The following DMRT1 variants were observed in gnomAD, a reference collection of about 807,000 sequenced individuals.
DMRT1 encodes the protein doublesex and mab-3 related transcription factor 1, also known as doublesex- and mab-3-related transcription factor 1.
DMRT1 carries 7 observed loss-of-function variants against 32.3 expected under a neutral mutation model. That is an observed-to-expected ratio of 0.22 (90% CI 0.12 to 0.41). The LOEUF (loss-of-function observed/expected upper bound fraction) is 0.41. Ranked by LOEUF, DMRT1 falls within the 10% of genes least tolerant of loss-of-function variation. The probability of loss-of-function intolerance (pLI) is 1.00; values close to 1 mark genes in which losing one functional copy is unlikely to be tolerated. For synonymous variants in DMRT1, 278 were observed against 206.1 expected (o/e 1.35, Z -2.99); for missense variants, 625 against 500.5 (o/e 1.25, Z -2.37).
intron 2 of DMRT1, among the ~76,000 whole-genome samples, chr9:862,283 C>T (rs1019973307): frequency 3.9e-5 from 6 of 152,270 alleles, no homozygotes; most frequent in African/African-American, 1.4e-4. Flanking sequence ...GCAGACCACT[C>T]GCGGTCAGGA....
intron 1 of DMRT1, chr9:842,511 C>T (rs1379050871): frequency 1.1e-4 from 38 of 349,684 alleles, no homozygotes; most frequent in Middle Eastern, 8.5e-4. Context: ...GCTGGGATTA[C>T]AGGCGTGGGC....
chr9:928,186 C>G (rs1157956755), intron 4 of DMRT1, among the ~76,000 whole-genome samples: 1 of 152,122 alleles, frequency 6.6e-6, no homozygotes, highest in East Asian at 1.9e-4. Context: ...TATTTACATT[C>G]ACGCTAAAAG....
intron 4 of DMRT1, among the ~76,000 whole-genome samples, chr9:957,535 A>G (rs1335271222): frequency 6.6e-6 from 1 of 152,152 alleles, no homozygotes; most frequent in Non-Finnish European, 1.5e-5. Context: ...TGTAATCTGA[A>G]CTTACCTTAT....
At chr9:901,926 T>TC (rs1395850499) in intron 3 of DMRT1, among the ~76,000 whole-genome samples, 7 of 149,710 alleles carry the variant, frequency 4.7e-5, no homozygotes, top group Non-Finnish European at 8.9e-5. Context: ...TTTTTTTTTT[T>TC]TTTTGAGACA....
chr9:929,011 G>T (rs889676915), intron 4 of DMRT1, among the ~76,000 whole-genome samples: 1 of 151,842 alleles, frequency 6.6e-6, no homozygotes, highest in African/African-American at 2.4e-5. Context: ...CTAATTTTTT[G>T]TATTTTTAGT....
chr9:884,602 T>G (rs1432830641), intron 2 of DMRT1, among the ~76,000 whole-genome samples: 5 of 152,214 alleles, frequency 3.3e-5, no homozygotes, highest in Admixed American at 2.6e-4. Flanking sequence ...CTGATGCTTT[T>G]CTGAGTGGTT....
chr9:965,741 G>A lies in DMRT1; in HGVS notation c.968-2244G>A, dbSNP rs769571229. ...CTTTGCCTCCTTAAACTCACACAGG[G>A]ATTGGGAAGGTTCAGCTGCCAGTTC... is the stretch of plus-strand genomic sequence containing the variant. On this transcript the variant is annotated intron_variant, in intron 4 of 4. Transcript: ENST00000382276. The surrounding 1 kb of genome is among the most constrained non-coding windows in gnomAD (Gnocchi z 4.5). 2.0e-5 allele frequency among the ~76,000 whole-genome samples: 3 copies of A among 152,172 alleles called. No individual in the cohort carries two copies. The highest frequency in any genetic ancestry group is 4.4e-5 in the Non-Finnish European group (3 of 68,036).
intron 2 of DMRT1, among the ~76,000 whole-genome samples, chr9:877,853 G>C (rs1816567952): frequency 6.6e-6 from 1 of 152,194 alleles, no homozygotes; most frequent in African/African-American, 2.4e-5. Context: ...CCATGGAGGT[G>C]AGAAAAGTAC....
At chr9:955,894 A>T (rs1314950620) in intron 4 of DMRT1, among the ~76,000 whole-genome samples, 3 of 152,214 alleles carry the variant, frequency 2.0e-5, no homozygotes, top group African/African-American at 7.2e-5. Flanking sequence ...AAAATTAAAG[A>T]TGGAATTACC....
intron 3 of DMRT1, among the ~76,000 whole-genome samples, chr9:896,692 A>T (rs1304503449): frequency 6.6e-6 from 1 of 151,970 alleles, no homozygotes; most frequent in Non-Finnish European, 1.5e-5. Flanking sequence ...GCACGCCTGT[A>T]ATTCCAGCTA....
intron 4 of DMRT1, among the ~76,000 whole-genome samples, chr9:958,964 T>A (rs1586666124): frequency 6.6e-6 from 1 of 152,330 alleles, no homozygotes; most frequent in East Asian, 1.9e-4. Context: ...CATCACACCT[T>A]ACCCTTTCAG....
chr9:851,945 TTG>T (rs1815156463), intron 2 of DMRT1, among the ~76,000 whole-genome samples: 1 of 90,272 alleles, frequency 1.1e-5, no homozygotes, highest in African/African-American at 3.5e-5. Context: ...CACTTTTTTT[TTG>T]TTTTTTTTTT....
intron 2 of DMRT1, among the ~76,000 whole-genome samples, chr9:864,655 C>T (rs1962756): frequency 0.88 from 133,120 of 151,818 alleles, 58,418 homozygotes; most frequent in Admixed American, 0.92. Context: ...CCCGCCACCA[C>T]GCCTGGCTAA....
chr9:847,888 C>G (rs1838973087), intron 2 of DMRT1, among the ~76,000 whole-genome samples: 1 of 152,208 alleles, frequency 6.6e-6, no homozygotes, highest in Non-Finnish European at 1.5e-5. Flanking sequence ...CTTCATTACA[C>G]TAGCCACATT....
At chr9:843,166 G>A (rs1223649044) in intron 1 of DMRT1, among the ~76,000 whole-genome samples, 2 of 152,328 alleles carry the variant, frequency 1.3e-5, no homozygotes, top group Non-Finnish European at 1.5e-5. Context: ...AAATTAGAAA[G>A]GATCTTGGAG....
intron 3 of DMRT1, 72 bp downstream of exon 3, chr9:894,267 A>G: frequency 6.7e-7 from 1 of 1,498,186 alleles, no homozygotes; most frequent in South Asian, 1.1e-5. Flanking sequence ...ACATGCACAT[A>G]CACACAGAGG....
intron 4 of DMRT1, among the ~76,000 whole-genome samples, chr9:927,479 G>C (rs560877167): frequency 6.6e-6 from 1 of 152,204 alleles, no homozygotes; most frequent in Non-Finnish European, 1.5e-5. Context: ...TGCCCGGCGC[G>C]GTGGCGTTTA....
At chr9:847,557 TTGAA>T (rs1838960439) in intron 2 of DMRT1, among the ~76,000 whole-genome samples, 2 of 152,206 alleles carry the variant, frequency 1.3e-5, no homozygotes, top group African/African-American at 4.8e-5. Context: ...AGTGTCAAAT[TTGAA>T]TGAGCGGGAA....
intron 3 of DMRT1, among the ~76,000 whole-genome samples, chr9:901,700 G>A (rs76368251): frequency 0.023 from 3,445 of 151,850 alleles, 125 homozygotes; most frequent in African/African-American, 0.078. Context: ...TCCACGGTCA[G>A]GTTTCCCAGG....
Sources: gnomAD v4.1 joint callset for allele counts (sites outside exome capture counted in the v4.1 genomes callset) on GRCh38, gnomAD v4.1.1 for gene constraint, Gnocchi (gnomAD v3.1) non-coding constraint, MANE v1.5 for transcripts, NCBI Gene and HGNC (gene_info 2026-07-23, HGNC 2026-07-21) for gene names.